Variants in LYZL2 observed in about 807,000 individuals in gnomAD.
LYZL2 encodes the protein lysozyme like 2.
A neutral mutation model predicts 17.1 loss-of-function variants in LYZL2; 13 were observed. The ratio of observed to expected loss-of-function variants is 0.76; its 90% confidence interval spans 0.49 to 1.21. The LOEUF is 1.21. Among genes scored for constraint, LYZL2 ranks in the 50% most tolerant of loss-of-function variants. LYZL2 has a pLI of 0.00. For missense variants in LYZL2, 166 were observed against 189.2 expected (o/e 0.88, Z 0.72); for synonymous variants, 63 against 74.4 (o/e 0.85, Z 0.79).
chr10:30,606,760 C>T, the LYZL2 span, among the ~76,000 whole-genome samples: 1 of 152,236 alleles, frequency 6.6e-6, no homozygotes, highest in South Asian at 2.1e-4. Context: ...CAGCTATCAA[C>T]TTTGCTCTAT....
At chr10:30,622,032 A>C (rs1438384489) in intron 3 of LYZL2, among the ~76,000 whole-genome samples, 1 of 152,194 alleles carries the variant, frequency 6.6e-6, no homozygotes, top group Non-Finnish European at 1.5e-5. Flanking sequence ...GTTACATATG[A>C]AGTGGTGTGT....
At chr10:30,606,943 C>T (rs547296713), downstream of LYZL2, among the ~76,000 whole-genome samples, 48 of 146,182 alleles carry the variant, frequency 3.3e-4, no homozygotes, top group Non-Finnish European at 4.6e-4. Flanking sequence ...GATGGAGTTT[C>T]GCTTCTGTTG....
chr10:30,613,307 G>T (rs753856628), intron 3 of LYZL2, among the ~76,000 whole-genome samples: 1 of 152,018 alleles, frequency 6.6e-6, no homozygotes, highest in Non-Finnish European at 1.5e-5. Context: ...GTCCAGTCTG[G>T]GCAACATAGC....
intron 1 of LYZL2, among the ~76,000 whole-genome samples, 164 bp downstream of exon 1, chr10:30,629,429 G>A (rs372805066): frequency 1.1e-4 from 16 of 151,658 alleles, no homozygotes; most frequent in African/African-American, 3.1e-4. Flanking sequence ...TTACAAATAA[G>A]GTTGGTTTCC....
intron 1 of LYZL2, among the ~76,000 whole-genome samples, chr10:30,628,715 G>A (rs563979038): frequency 1.6e-4 from 24 of 152,276 alleles, no homozygotes; most frequent in African/African-American, 5.5e-4. Context: ...GCATTGAAAG[G>A]CTAGGCCCAA....
downstream of LYZL2, among the ~76,000 whole-genome samples, chr10:30,608,552 G>C (rs552946680): frequency 6.6e-6 from 1 of 152,174 alleles, no homozygotes. Flanking sequence ...ACTAGGACAC[G>C]TTCTGTCATT....
At chr10:30,609,758 CT>C (rs1429160752), downstream of LYZL2, among the ~76,000 whole-genome samples, 3 of 152,266 alleles carry the variant, frequency 2.0e-5, no homozygotes, top group East Asian at 5.8e-4. Flanking sequence ...AAATATACTT[CT>C]GTTGAATAAA....
chr10:30,612,731 G>A (rs1588672738), intron 4 of LYZL2, 91 bp downstream of exon 4: 1 of 966,256 alleles, frequency 1.0e-6, no homozygotes, highest in East Asian at 2.4e-5. Flanking sequence ...ACTCTGCGGA[G>A]GTGAGTTTGT....
chr10:30,621,892 A>G (rs1193442183), intron 3 of LYZL2, among the ~76,000 whole-genome samples: 2 of 152,236 alleles, frequency 1.3e-5, no homozygotes, highest in African/African-American at 4.8e-5. Flanking sequence ...TTTATTTAAA[A>G]GACAATTGTT....
chr10:30,629,536 C>G (rs1838772543), intron 1 of LYZL2, 57 bp downstream of exon 1: 1 of 1,585,502 alleles, frequency 6.3e-7, no homozygotes, highest in South Asian at 1.1e-5. Flanking sequence ...CCTTCAAGAA[C>G]CTGCCATTGC....
At chr10:30,618,315 GA>G (rs1429647160) in intron 3 of LYZL2, among the ~76,000 whole-genome samples, 1 of 152,086 alleles carries the variant, frequency 6.6e-6, no homozygotes, top group African/African-American at 2.4e-5. Flanking sequence ...CACAGAATTG[GA>G]AAAAACTACT....
Position 30,612,851 on chromosome 10 carries a change from A to T in LYZL2, c.348T>A (p.Ile116=). 1 of 1,613,874 alleles carries T rather than the reference A, an allele frequency of 6.2e-7. No individual in the cohort carries two copies. The highest frequency in any genetic ancestry group is 8.5e-7 in the Non-Finnish European group (1 of 1,179,776). Residue 116 remains isoleucine (I), a synonymous_variant, in exon 4 of 5, where the codon ATT becomes ATA. Coordinates refer to ENST00000647634, the MANE Select transcript of LYZL2 (RefSeq NM_183058.3). ...AGTTCATTCCTTGTGTCTCTTTAAC[A>T]ATTTTCTTGGCACAGATAATCGCAT... ...LTDAIICAKK[I]VKETQGMNYW... is the part of the protein sequence containing the mutation.
At chr10:30,624,706 G>A (rs1188495423) in intron 3 of LYZL2, among the ~76,000 whole-genome samples, 2 of 152,194 alleles carry the variant, frequency 1.3e-5, no homozygotes, top group African/African-American at 4.8e-5. Context: ...AATTTGTGTG[G>A]AGACAGAGTC....
chr10:30,617,828 A>C (rs1162124919), intron 3 of LYZL2, among the ~76,000 whole-genome samples: 4 of 152,048 alleles, frequency 2.6e-5, no homozygotes, highest in Non-Finnish European at 5.9e-5. Context: ...TGGCCAGGGC[A>C]ATCAGGCAGG....
chr10:30,626,496 G>A (rs1385507822), intron 2 of LYZL2, among the ~76,000 whole-genome samples: 1 of 152,186 alleles, frequency 6.6e-6, no homozygotes, highest in Non-Finnish European at 1.5e-5. Context: ...TAGACCAACA[G>A]TCAGGTCCCC....
chr10:30,616,547 T>G (rs1369044546), intron 3 of LYZL2, among the ~76,000 whole-genome samples: 2 of 152,174 alleles, frequency 1.3e-5, no homozygotes, highest in Admixed American at 1.3e-4. Context: ...AACAAAAAAG[T>G]CTTTTGCCTA....
downstream of LYZL2, among the ~76,000 whole-genome samples, chr10:30,606,904 CTTTTGGTCTTT>C (rs1838382854): frequency 9.8e-6 from 1 of 101,552 alleles, no homozygotes; most frequent in South Asian, 2.8e-4. Context: ...AGCTTTCATA[CTTTTGGTCTTT>C]TTTTTTTTTT....
At chr10:30,627,857 A>C (rs1838740689) in intron 1 of LYZL2, among the ~76,000 whole-genome samples, 2 of 152,212 alleles carry the variant, frequency 1.3e-5, no homozygotes, top group South Asian at 2.1e-4. Context: ...CTGAATGGAA[A>C]ACTTTAAGAT....
chr10:30,624,502 A>G (rs1267599688), intron 3 of LYZL2, among the ~76,000 whole-genome samples: 2 of 152,118 alleles, frequency 1.3e-5, no homozygotes, highest in African/African-American at 4.8e-5. Flanking sequence ...CACTATTGCC[A>G]TGGTTTTTCT....
Sources: gnomAD v4.1 joint callset for allele counts (sites outside exome capture counted in the v4.1 genomes callset) on GRCh38, gnomAD v4.1.1 for gene constraint, MANE v1.5 for transcripts, NCBI Gene and HGNC (gene_info 2026-07-23, HGNC 2026-07-21) for gene names.